The following MED12L variants were observed in gnomAD, a reference collection of about 807,000 sequenced individuals.
The protein encoded by MED12L is mediator of RNA polymerase II transcription subunit 12-like protein.
In MED12L, 60 loss-of-function variants were observed where a neutral mutation model predicts 281.3. The ratio of observed to expected loss-of-function variants is 0.21; its 90% confidence interval spans 0.17 to 0.26. MED12L has a LOEUF of 0.26. Among genes scored for constraint, MED12L ranks in the 10% least tolerant of loss-of-function variants. The probability of loss-of-function intolerance (pLI) is 1.00; values close to 1 mark genes in which losing one functional copy is unlikely to be tolerated. For synonymous variants in MED12L, 974 were observed against 987.2 expected, an observed-to-expected ratio of 0.99 and a Z score of 0.25; for missense variants, 2,146 against 2,680.9, an observed-to-expected ratio of 0.80 and a Z score of 4.41.
intron 18 of MED12L, 36 bp from the exon 19 acceptor site, chr3:151,355,860 A>G (rs1412267542): frequency 1.3e-6 from 2 of 1,557,816 alleles, no homozygotes; most frequent in Non-Finnish European, 1.8e-6. Context: ...TATTTAGAAT[A>G]TTGGTCTTAC....
At position 151,420,963 on chromosome 3, in the gene MED12L, A is replaced by G. The variant is rs1718178702; in HGVS notation, c.6408+4541A>G. On this transcript the variant is annotated intron_variant, in intron 43 of 44. Transcript: ENST00000687756. ...ATGGTGGAAGAAGTCCAATATAATC[A>G]ACCTGCCACCATGTAGCTGGCTGAT... Among the ~76,000 whole-genome samples the G allele has an allele frequency of 2.0e-5, 3 of 152,182 alleles. No individual in the cohort carries two copies. In the South Asian group the frequency reaches 6.2e-4, roughly 32 times the overall value.
chr3:151,163,242 T>C (rs1025890218), intron 8 of MED12L, among the ~76,000 whole-genome samples: 2 of 151,718 alleles, frequency 1.3e-5, no homozygotes, highest in African/African-American at 4.9e-5. Flanking sequence ...TGTCTGCAAG[T>C]GTCTAGGGCG....
In MED12L at chr3:151,416,377, G is replaced by C; in HGVS notation, c.6363G>C (p.Gln2121His). The change falls in exon 43 of 45, where the codon CAG becomes CAC. Residue 2121 changes from glutamine to histidine, a missense_variant. This residue lies in a region of MED12L where 496 missense variants were observed against 512.0 expected (regional missense o/e 0.97). Coordinates refer to ENST00000687756, the MANE Select transcript of MED12L (RefSeq NM_001393769.1). Reference protein sequence around the residue: ...PPQPQQSSQSQSQTLGLQAMQ... With the variant: ...PPQPQQSSQSHSQTLGLQAMQ... ...AGCCCCAGCAGTCCTCGCAGTCCCA[G>C]AGTCAGACCCTTGGTCTCCAAGCAA... The C allele has an allele frequency of 1.3e-6, 2 of 1,484,178 alleles. No individual in the cohort carries two copies. The highest frequency in any genetic ancestry group is 1.1e-5 in the South Asian group (1 of 89,236). 91.9% of individuals were successfully genotyped at this position (1,484,178 alleles called of 1,614,324 possible). A position where few individuals can be genotyped will look rare whatever the true frequency, so the allele number is the denominator to read the frequency against.
rs1427375703 is a variant in MED12L, at chr3:151,159,901, T to G, written c.907T>G (p.Ser303Ala). 6.2e-7 allele frequency: 1 copy of G among 1,614,092 alleles called. No individual in the cohort carries two copies. Among genetic ancestry groups the G allele is most frequent in the Non-Finnish European group, 8.5e-7 (1 of 1,180,044 alleles). ...RLAYFCARRL[S>A]LLLSDSPNLL... ...TGCCTACTTTTGTGCCCGGCGTCTT[T>G]CCTTGCTGCTGAGCGATAGCCCCAA... is the stretch of plus-strand genomic sequence containing the variant. The change falls in exon 8 of 45, where the codon TCC (serine) becomes GCC (alanine). Residue 303 changes from serine (S) to alanine (A), a missense_variant. Physicochemically the swap from Ser to Ala is moderately conservative, Grantham distance 99. Around this residue, in one of 9 missense-constraint regions of MED12L, gnomAD observed 722 missense variants for 861.2 expected, o/e 0.84. Coordinates refer to ENST00000687756, the MANE Select transcript of MED12L (RefSeq NM_001393769.1).
At chr3:151,187,344 C>T (rs1723416947) in intron 12 of MED12L, among the ~76,000 whole-genome samples, 1 of 152,140 alleles carries the variant, frequency 6.6e-6, no homozygotes, top group African/African-American at 2.4e-5. Flanking sequence ...GACATACAAA[C>T]ATACACATTC....
chr3:151,123,023 G>A, intron 4 of MED12L, 49 bp downstream of exon 4: 1 of 1,402,694 alleles, frequency 7.1e-7, no homozygotes, highest in Non-Finnish European at 9.7e-7. Context: ...ATAATCAGCT[G>A]TTTGGGATAA....
intron 16 of MED12L, among the ~76,000 whole-genome samples, chr3:151,274,608 C>T (rs1010697402): frequency 6.6e-6 from 1 of 152,220 alleles, no homozygotes; most frequent in East Asian, 1.9e-4. Flanking sequence ...GGGCTATCAG[C>T]TCCCAGCTGG....
chr3:151,374,709 A>G (rs1161993205), intron 27 of MED12L, among the ~76,000 whole-genome samples: 2 of 152,160 alleles, frequency 1.3e-5, no homozygotes, highest in Non-Finnish European at 2.9e-5. Flanking sequence ...CTATGAGTGT[A>G]TTCTTTATGT....
chr3:151,338,354 G>A (rs746084742), intron 16 of MED12L: 2 of 1,614,130 alleles, frequency 1.2e-6, no homozygotes, highest in South Asian at 1.1e-5. Flanking sequence ...TCGGCTGCCT[G>A]TTGGTCAGAA....
chr3:151,274,970 A>G (rs188933117), intron 16 of MED12L, among the ~76,000 whole-genome samples: 3 of 152,278 alleles, frequency 2.0e-5, no homozygotes, highest in East Asian at 3.9e-4. Context: ...CAGGATGGAA[A>G]TGTTCTTAGA....
At position 151,420,527 on chromosome 3, in the gene MED12L, C is replaced by G. The variant is rs147025773; in HGVS notation, c.6408+4105C>G. On this transcript the variant is annotated intron_variant, in intron 43 of 44. Transcript: ENST00000687756. The stretch of plus-strand genomic sequence containing the variant: ...CCACTTCTACCCCTTGATTCCTGGA[C>G]TTGTGAATCCTGGCTATGGGAGAAA... 1.1e-3 allele frequency among the ~76,000 whole-genome samples: 175 copies of G among 152,248 alleles called. 2 individuals carry two copies. Among genetic ancestry groups the G allele is most frequent in the Admixed American group, 7.1e-3 (108 of 15,296 alleles).
At chr3:151,141,763 A>G (rs1289568214) in intron 5 of MED12L, among the ~76,000 whole-genome samples, 1 of 152,220 alleles carries the variant, frequency 6.6e-6, no homozygotes, top group Non-Finnish European at 1.5e-5. Context: ...TTAAGTTTAT[A>G]GTTCTGTTCC....
intron 16 of MED12L, chr3:151,328,639 A>C (rs866620319): frequency 3.7e-6 from 6 of 1,613,912 alleles, no homozygotes; most frequent in African/African-American, 2.7e-5. Flanking sequence ...GGAATCTGTC[A>C]AAGGCTATGA....
chr3:151,192,734 C>G, intron 15 of MED12L, 80 bp downstream of exon 15: 1 of 844,194 alleles, frequency 1.2e-6, no homozygotes, highest in Non-Finnish European at 1.9e-6. Context: ...CTTCTGTGTT[C>G]TCAGAATGAC....
At position 151,095,535 on chromosome 3, in the gene MED12L, G is replaced by A. The variant is rs139086103; in HGVS notation, c.99+8510G>A. Among the ~76,000 whole-genome samples the A allele has an allele frequency of 2.6e-4, 40 of 152,064 alleles. No individual in the cohort carries two copies. In the East Asian group the frequency reaches 7.0e-3, roughly 27 times the overall value. On this transcript the variant is annotated intron_variant, in intron 2 of 44. Coordinates refer to ENST00000687756, the MANE Select transcript of MED12L (RefSeq NM_001393769.1). Reference sequence around the variant, plus strand: ...GTATTTTTAGTCGAGATGGACTTTCGCCATGTTGGCCAAGTTGGTCTTGAA... The same window carrying A: ...GTATTTTTAGTCGAGATGGACTTTCACCATGTTGGCCAAGTTGGTCTTGAA...
chr3:151,193,736 G>A (rs980512393), intron 16 of MED12L, 70 bp downstream of exon 16: 1 of 1,333,132 alleles, frequency 7.5e-7, no homozygotes, highest in African/African-American at 1.5e-5. Context: ...TTGAACGTCA[G>A]ATTATTCAAC....
At chr3:151,338,917 A>T in intron 16 of MED12L, 2 of 1,501,084 alleles carry the variant, frequency 1.3e-6, no homozygotes, top group Admixed American at 1.8e-5. Flanking sequence ...TATTGCTGTT[A>T]TCTCTGTGTG....
intron 16 of MED12L, among the ~76,000 whole-genome samples, chr3:151,333,085 T>C (rs754774289): frequency 6.6e-6 from 1 of 152,260 alleles, no homozygotes; most frequent in Admixed American, 6.5e-5. Context: ...CTCTTTCTTT[T>C]GTGTGGCTGC....
chr3:151,377,121 G>GTAT lies in MED12L; in HGVS notation c.4261_4263dup (p.Ile1421dup). On this transcript the variant is annotated inframe_insertion, in exon 30 of 45. Transcript: ENST00000687756. ...GGCATGAGCCTCTTCAACCCAAACA[G>GTAT]TATTGGAAGTGCTGATACAAGTAGC... 1 of 1,614,022 alleles carries GTAT rather than the reference G, an allele frequency of 6.2e-7. No individual in the cohort carries two copies. The highest frequency in any genetic ancestry group is 1.1e-5 in the South Asian group (1 of 91,078).
Sources: gnomAD v4.1 joint callset for allele counts (sites outside exome capture counted in the v4.1 genomes callset) on GRCh38, gnomAD v4.1.1 for gene constraint, gnomAD v4.1.1 regional missense constraint, MANE v1.5 for transcripts, NCBI Gene and HGNC (gene_info 2026-07-23, HGNC 2026-07-21) for gene names.